NUDT3: variants seen among roughly 807,000 people sequenced by gnomAD.
The protein encoded by NUDT3 is diphosphoinositol polyphosphate phosphohydrolase 1.
In NUDT3, 9 loss-of-function variants were observed where a neutral mutation model predicts 23.6. The ratio of observed to expected loss-of-function variants is 0.38; its 90% CI spans 0.23 to 0.66. The LOEUF (loss-of-function observed/expected upper bound fraction) is 0.66, where lower values mean the gene tolerates loss of function less well. Ranked by LOEUF, NUDT3 falls within the 30% of genes least tolerant of loss-of-function variation. The probability of loss-of-function intolerance (pLI) is 0.52; values close to 1 mark genes in which losing one functional copy is unlikely to be tolerated. For synonymous variants in NUDT3, 86 were observed against 82.6 expected, an observed-to-expected ratio of 1.04 and a Z score of -0.22; for missense variants, 172 against 218.5, an observed-to-expected ratio of 0.79 and a Z score of 1.34.
At chr6:34,349,914 C>T (rs376722211) in intron 1 of NUDT3, among the ~76,000 whole-genome samples, 2 of 150,274 alleles carry the variant, frequency 1.3e-5, no homozygotes, top group East Asian at 3.9e-4. Context: ...AACGGTGAAA[C>T]CCCGTCTCTA....
chr6:34,326,095 T>TCTACTAGGCCTCCTCCTAGCAGCAGCA (rs1764023965), intron 2 of NUDT3, among the ~76,000 whole-genome samples: 1 of 152,278 alleles, frequency 6.6e-6, no homozygotes, highest in African/African-American at 2.4e-5. Flanking sequence ...CATGTTCATG[T>TCTACTAGGCCTCCTCCTAGCAGCAGCA]GATTTAAAAT....
chr6:34,317,335 C>A (rs886465751), intron 2 of NUDT3, among the ~76,000 whole-genome samples: 2 of 152,048 alleles, frequency 1.3e-5, no homozygotes, highest in African/African-American at 4.8e-5. Flanking sequence ...TACCTACCCA[C>A]TAATCCAACC....
At chr6:34,373,734 C>T (rs969348397) in intron 1 of NUDT3, among the ~76,000 whole-genome samples, 48 of 152,216 alleles carry the variant, frequency 3.2e-4, no homozygotes, top group African/African-American at 1.1e-3. Context: ...CTTCAGCTAA[C>T]AGTGACAACA....
chr6:34,347,639 C>G (rs1450875830), intron 1 of NUDT3, among the ~76,000 whole-genome samples: 2 of 152,152 alleles, frequency 1.3e-5, no homozygotes, highest in Non-Finnish European at 2.9e-5. Context: ...AGAAATACAG[C>G]AGGAACACCA....
At chr6:34,378,450 T>C (rs1208698785) in intron 1 of NUDT3, among the ~76,000 whole-genome samples, 1 of 152,192 alleles carries the variant, frequency 6.6e-6, no homozygotes, top group Non-Finnish European at 1.5e-5. Context: ...ACTACCAAAG[T>C]GATATATTAG....
intron 1 of NUDT3, among the ~76,000 whole-genome samples, chr6:34,388,508 C>A (rs1456213115): frequency 2.6e-5 from 4 of 152,162 alleles, no homozygotes; most frequent in African/African-American, 9.7e-5. Context: ...CAATGTGTGG[C>A]AGCTAATGCT....
intron 2 of NUDT3, among the ~76,000 whole-genome samples, chr6:34,323,606 GC>G (rs1257890985): frequency 1.3e-5 from 2 of 150,618 alleles, no homozygotes; most frequent in Non-Finnish European, 3.0e-5. Context: ...AAGAAGAGAA[GC>G]GAAGCGAAGC....
chr6:34,297,734 T>A (rs771010462), intron 2 of NUDT3, among the ~76,000 whole-genome samples: 454 of 40,064 alleles, frequency 0.011, 8 homozygotes, highest in East Asian at 0.045. Flanking sequence ...AAAAAAAATA[T>A]ATATATATAT....
At chr6:34,383,849 TAGGCA>T (rs1765063092) in intron 1 of NUDT3, among the ~76,000 whole-genome samples, 1 of 152,000 alleles carries the variant, frequency 6.6e-6, no homozygotes, top group South Asian at 2.1e-4. Flanking sequence ...TAACTGGTAT[TAGGCA>T]AACAGAAGGG....
At chr6:34,319,127 A>C (rs1763903011) in intron 2 of NUDT3, among the ~76,000 whole-genome samples, 1 of 152,154 alleles carries the variant, frequency 6.6e-6, no homozygotes. Flanking sequence ...TCTCACACCA[A>C]ACAATCAACA....
intron 1 of NUDT3, among the ~76,000 whole-genome samples, chr6:34,369,159 A>C (rs891447915): frequency 2.0e-5 from 3 of 152,212 alleles, no homozygotes; most frequent in Non-Finnish European, 4.4e-5. Context: ...AATTCTGCAA[A>C]TTTCTTTCAA....
chr6:34,304,189 G>A (rs1442083134), intron 2 of NUDT3, among the ~76,000 whole-genome samples: 3 of 150,328 alleles, frequency 2.0e-5, no homozygotes, highest in African/African-American at 7.3e-5. Context: ...GGATGCAGAG[G>A]TTGCAGTGAG....
intron 1 of NUDT3, among the ~76,000 whole-genome samples, chr6:34,354,735 G>A (rs1764533633): frequency 1.7e-5 from 2 of 120,694 alleles, no homozygotes; most frequent in African/African-American, 2.9e-5. Context: ...GGGGGAAAAA[G>A]TATATATATA....
chr6:34,309,336 A>C (rs1426217769), intron 2 of NUDT3, among the ~76,000 whole-genome samples: 2 of 152,174 alleles, frequency 1.3e-5, no homozygotes, highest in Non-Finnish European at 2.9e-5. Flanking sequence ...ATCTCAAGAA[A>C]ATTTTTGAAT....
intron 1 of NUDT3, among the ~76,000 whole-genome samples, chr6:34,392,059 G>A (rs972995306): frequency 3.9e-5 from 6 of 152,084 alleles, no homozygotes; most frequent in African/African-American, 1.4e-4. Flanking sequence ...CGCGCCCTGT[G>A]CAGCCGCACT....
rs187237932 is a variant in NUDT3 at position 34,327,259 on chromosome 6, G to A, written c.210+14603C>T. The stretch of plus-strand genomic sequence containing the variant: ...CAGAAAGATCAAAGACAGGCCGGGC[G>A]CGGTGGCTCACCTGTAATCCCAGCA... On this transcript the variant is annotated intron_variant, in intron 2 of 4. Coordinates refer to ENST00000607016, the MANE Select transcript of NUDT3 (RefSeq NM_006703.4). Among the ~76,000 whole-genome samples the A allele has an allele frequency of 3.4e-3, 514 of 152,038 alleles. 3 individuals carry two copies. Among genetic ancestry groups the A allele is most frequent in the African/African-American group, 7.6e-3 (315 of 41,508 alleles).
chr6:34,354,749 A>ATATATATATATATATATATATTTATT lies in NUDT3; in HGVS notation c.100-12778_100-12777insAATAAATATATATATATATATATATA, dbSNP rs570166534. On this transcript the variant is annotated intron_variant, in intron 1 of 4. Transcript: ENST00000607016. The stretch of plus-strand genomic sequence containing the variant: ...GGGGGGAAAAAGTATATATATATAT[A>ATATATATATATATATATATATTTATT]TATTTATTTACTTTATATTTGTATT... Among the ~76,000 whole-genome samples, 302 of 144,490 alleles carry ATATATATATATATATATATATTTATT rather than the reference A, an allele frequency of 2.1e-3. 1 individual carries two copies. The highest frequency in any genetic ancestry group is 3.8e-3 in the African/African-American group (148 of 39,378). The allele number at this position is 144,490 out of a possible 152,430, so 94.8% of individuals were successfully genotyped here.
intron 1 of NUDT3, among the ~76,000 whole-genome samples, chr6:34,356,080 T>C (rs1047164006): frequency 6.6e-6 from 1 of 152,108 alleles, no homozygotes; most frequent in Non-Finnish European, 1.5e-5. Flanking sequence ...GGACACACAG[T>C]TCCTGGCTGT....
chr6:34,311,887 C>G (rs535770430), intron 2 of NUDT3, among the ~76,000 whole-genome samples: 8 of 152,084 alleles, frequency 5.3e-5, no homozygotes, highest in Non-Finnish European at 1.2e-4. Context: ...AAAAATCAAT[C>G]TAGACACAAA....
Sources: gnomAD v4.1 joint callset for allele counts (sites outside exome capture counted in the v4.1 genomes callset) on GRCh38, gnomAD v4.1.1 for gene constraint, MANE v1.5 for transcripts, NCBI Gene and HGNC (gene_info 2026-07-23, HGNC 2026-07-21) for gene names.